The following DLG2 variants were observed in gnomAD, a reference collection of about 807,000 sequenced individuals.
DLG2 encodes disks large homolog 2.
DLG2 carries 45 observed loss-of-function variants against 132.5 expected under a neutral mutation model. The observed-to-expected ratio is 0.34, with a 90% CI of 0.27 to 0.44. The LOEUF (loss-of-function observed/expected upper bound fraction) is 0.44, where lower values mean the gene tolerates loss of function less well. DLG2 is among the 20% of genes least tolerant of loss of function. The pLI, the probability that DLG2 is intolerant of heterozygous loss-of-function variation, is 1.00. For missense variants in DLG2, 1,045 were observed against 1,196.9 expected (o/e 0.87, Z 1.87); for synonymous variants, 424 against 419.6 (o/e 1.01, Z -0.13).
At chr11:85,415,241 T>G (rs1312736915) in intron 3 of DLG2, among the ~76,000 whole-genome samples, 1 of 152,248 alleles carries the variant, frequency 6.6e-6, no homozygotes, top group Non-Finnish European at 1.5e-5. Flanking sequence ...TGCCACATTT[T>G]CTTTATCCAG....
chr11:84,200,910 CCT>C (rs2096583574), intron 8 of DLG2, among the ~76,000 whole-genome samples: 1 of 152,112 alleles, frequency 6.6e-6, no homozygotes, highest in Non-Finnish European at 1.5e-5. Context: ...GGTTTGACTT[CCT>C]CTCTTTCTAC....
chr11:84,758,377 C>T (rs1289295784), intron 6 of DLG2, among the ~76,000 whole-genome samples: 1 of 152,104 alleles, frequency 6.6e-6, no homozygotes, highest in Non-Finnish European at 1.5e-5. Flanking sequence ...AACTATTTGC[C>T]CTCATCAATG....
intron 6 of DLG2, among the ~76,000 whole-genome samples, chr11:84,954,046 G>A (rs377296556): frequency 2.0e-5 from 3 of 151,586 alleles, no homozygotes; most frequent in Admixed American, 6.6e-5. Flanking sequence ...TTACCTTTCC[G>A]CTTGATTTTA....
intron 7 of DLG2, among the ~76,000 whole-genome samples, chr11:84,310,112 G>A (rs1309099876): frequency 6.6e-6 from 1 of 152,156 alleles, no homozygotes; most frequent in Non-Finnish European, 1.5e-5. Context: ...GGGAATGCCA[G>A]TACTCCCAAC....
At chr11:84,157,423 A>C (rs954657263) in intron 9 of DLG2, among the ~76,000 whole-genome samples, 3 of 152,162 alleles carry the variant, frequency 2.0e-5, no homozygotes, top group African/African-American at 7.2e-5. Flanking sequence ...GTCATCCACT[A>C]CTTTTTAAAA....
chr11:85,083,387 GT>G (rs1465742531), intron 6 of DLG2, among the ~76,000 whole-genome samples: 1 of 152,126 alleles, frequency 6.6e-6, no homozygotes, highest in Non-Finnish European at 1.5e-5. Context: ...CCTTCCATTG[GT>G]CACCAATTTG....
At chr11:85,215,601 T>C (rs960565157) in intron 4 of DLG2, among the ~76,000 whole-genome samples, 9 of 152,136 alleles carry the variant, frequency 5.9e-5, no homozygotes, top group Non-Finnish European at 1.2e-4. Context: ...CCAAAGATGT[T>C]CCAGAAGAAT....
intron 9 of DLG2, among the ~76,000 whole-genome samples, chr11:84,151,274 T>C (rs956304918): frequency 3.3e-5 from 5 of 152,016 alleles, no homozygotes; most frequent in Non-Finnish European, 7.4e-5. Flanking sequence ...CTTGGTTCAA[T>C]CTTAGGAGGT....
chr11:85,208,377 C>T (rs2082039479), intron 4 of DLG2, among the ~76,000 whole-genome samples: 1 of 152,102 alleles, frequency 6.6e-6, no homozygotes, highest in African/African-American at 2.4e-5. Context: ...ACTCTCTCTT[C>T]CACATTTTAT....
chr11:85,246,486 A>C (rs1205325062), intron 4 of DLG2, among the ~76,000 whole-genome samples: 1 of 151,874 alleles, frequency 6.6e-6, no homozygotes, highest in Non-Finnish European at 1.5e-5. Flanking sequence ...CAAAATGTTA[A>C]CATTGTACTG....
At chr11:83,639,897 CA>C (rs1179815389) in intron 18 of DLG2, among the ~76,000 whole-genome samples, 1 of 151,960 alleles carries the variant, frequency 6.6e-6, no homozygotes, top group Admixed American at 6.6e-5. Context: ...TGTTCATCTA[CA>C]AATTGTGAGG....
intron 19 of DLG2, among the ~76,000 whole-genome samples, chr11:83,584,456 T>C (rs1442993394): frequency 2.6e-5 from 4 of 152,202 alleles, no homozygotes; most frequent in Non-Finnish European, 5.9e-5. Flanking sequence ...AAGGTCTATG[T>C]GCCAAGTCTG....
chr11:83,676,718 A>G (rs902909860), intron 18 of DLG2, among the ~76,000 whole-genome samples: 15 of 152,182 alleles, frequency 9.9e-5, no homozygotes, highest in African/African-American at 2.7e-4. Flanking sequence ...CTTTCCACCT[A>G]GAAAACTACT....
intron 6 of DLG2, among the ~76,000 whole-genome samples, chr11:84,836,433 A>T (rs2079788589): frequency 1.3e-5 from 2 of 151,800 alleles, no homozygotes; most frequent in Admixed American, 1.3e-4. Flanking sequence ...AACTGGGTTC[A>T]GAAAAATTGA....
intron 4 of DLG2, among the ~76,000 whole-genome samples, chr11:85,275,754 C>T (rs1028277703): frequency 1.3e-5 from 2 of 152,036 alleles, no homozygotes; most frequent in African/African-American, 2.4e-5. Context: ...TGAACATTTA[C>T]TGGGAAGTTA....
intron 3 of DLG2, among the ~76,000 whole-genome samples, chr11:85,595,265 T>C (rs2079664797): frequency 6.6e-6 from 1 of 152,072 alleles, no homozygotes; most frequent in South Asian, 2.1e-4. Context: ...TTCTAGTATA[T>C]TGCCATTTTA....
Position 85,019,502 on chromosome 11 carries a change from G to T in DLG2, c.357+92159C>A, listed in dbSNP as rs1203159889. ...TTTTTCATTATACTTTAAGTTCTGG[G>T]GTACTTGTGCACAATGTGCAGGTTT... On this transcript the variant is annotated intron_variant, in intron 6 of 27. Transcript: ENST00000376104. Among the ~76,000 whole-genome samples the T allele has an allele frequency of 3.3e-5, 5 of 151,862 alleles. No homozygotes were observed. In the East Asian group the frequency reaches 7.7e-4, roughly 23 times the overall value.
chr11:84,611,500 T>C (rs957420919), intron 6 of DLG2, among the ~76,000 whole-genome samples: 1 of 152,100 alleles, frequency 6.6e-6, no homozygotes, highest in Non-Finnish European at 1.5e-5. Context: ...AAGCTTAAAA[T>C]TCTATCATTA....
chr11:84,263,526 T>C (rs1259298428), intron 7 of DLG2, among the ~76,000 whole-genome samples: 1 of 152,164 alleles, frequency 6.6e-6, no homozygotes, highest in Non-Finnish European at 1.5e-5. Context: ...CTAAGAACTA[T>C]GTAATCAGCA....
Sources: gnomAD v4.1 joint callset for allele counts (sites outside exome capture counted in the v4.1 genomes callset) on GRCh38, gnomAD v4.1.1 for gene constraint, MANE v1.5 for transcripts, NCBI Gene and HGNC (gene_info 2026-07-23, HGNC 2026-07-21) for gene names.